Variants in RBM18 observed in about 807,000 individuals in gnomAD.
RBM18 encodes the protein probable RNA-binding protein 18.
Under a neutral mutation model 26.4 loss-of-function variants are expected in RBM18, and 18 were observed. The observed-to-expected ratio is 0.68, with a 90% CI of 0.47 to 1.01. The LOEUF is 1.01. RBM18 is among the 50% of genes least tolerant of loss of function. The probability of loss-of-function intolerance (pLI) is 0.00; values close to 1 mark genes in which losing one functional copy is unlikely to be tolerated. For synonymous variants in RBM18, 74 were observed against 81.1 expected (o/e 0.91, Z 0.47); for missense variants, 180 against 219.2 (o/e 0.82, Z 1.13).
At chr9:122,256,573 T>C (rs1588386232) in intron 2 of RBM18, among the ~76,000 whole-genome samples, 1 of 152,192 alleles carries the variant, frequency 6.6e-6, no homozygotes, top group East Asian at 1.9e-4. Context: ...AGAGGTATTG[T>C]TTATGCTTAC....
In RBM18 at chr9:122,261,650, G is replaced by A. The variant is rs1003841753; in HGVS notation, c.-16-142C>T. 3.2e-6 allele frequency: 2 copies of A among 617,412 alleles called. 1 individual carries two copies. Among genetic ancestry groups the A allele is most frequent in the South Asian group, 3.9e-5 (2 of 50,934 alleles). 38.2% of individuals were successfully genotyped at this position (617,412 alleles called of 1,614,324 possible). On this transcript the variant is annotated intron_variant, in intron 1 of 5. Coordinates refer to ENST00000417201, the MANE Select transcript of RBM18 (RefSeq NM_033117.4). ...AAAGGCCTCAGTGATTCCACAACCA[G>A]GGCCCCAGAACCAGTTCCCTTGGGA...
At chr9:122,246,400 G>A (rs575080262) in intron 4 of RBM18, among the ~76,000 whole-genome samples, 3 of 152,324 alleles carry the variant, frequency 2.0e-5, no homozygotes, top group Admixed American at 6.5e-5. Flanking sequence ...GAAGAGAACC[G>A]TGAGGCACAG....
chr9:122,261,963 T>C (rs918083276), intron 1 of RBM18, among the ~76,000 whole-genome samples: 1 of 152,112 alleles, frequency 6.6e-6, no homozygotes, highest in Non-Finnish European at 1.5e-5. Context: ...AGAGGCAATA[T>C]AGCAAAGAGA....
chr9:122,259,524 T>A (rs1322903495), intron 2 of RBM18, among the ~76,000 whole-genome samples: 1 of 152,210 alleles, frequency 6.6e-6, no homozygotes, highest in Admixed American at 6.5e-5. Flanking sequence ...GGGCAACACA[T>A]CTTAAATACC....
intron 2 of RBM18, among the ~76,000 whole-genome samples, chr9:122,253,634 T>C (rs966879421): frequency 7.2e-5 from 11 of 151,798 alleles, no homozygotes; most frequent in African/African-American, 2.7e-4. Context: ...GGGTCTTTAA[T>C]TCACAGCTGT....
intron 4 of RBM18, among the ~76,000 whole-genome samples, chr9:122,246,519 G>C (rs1165961991): frequency 6.6e-6 from 1 of 152,186 alleles, no homozygotes; most frequent in Non-Finnish European, 1.5e-5. Context: ...ATTTTCCCTT[G>C]AGTAAAAAAG....
intron 5 of RBM18, among the ~76,000 whole-genome samples, chr9:122,244,694 AAC>A (rs1831476797): frequency 1.3e-5 from 2 of 152,132 alleles, no homozygotes; most frequent in African/African-American, 4.8e-5. Context: ...ACAAAAAACA[AAC>A]AAACAAAAAA....
At chr9:122,263,720 G>C (rs796567002) in intron 1 of RBM18, among the ~76,000 whole-genome samples, 8 of 152,294 alleles carry the variant, frequency 5.3e-5, no homozygotes, top group African/African-American at 1.9e-4. Flanking sequence ...ATGACATTTG[G>C]GACTTGAATG....
intron 2 of RBM18, among the ~76,000 whole-genome samples, chr9:122,258,819 G>A (rs919427657): frequency 2.0e-5 from 3 of 148,132 alleles, no homozygotes; most frequent in African/African-American, 7.4e-5. Flanking sequence ...GCATGGTGGC[G>A]AGCACCTGTA....
chr9:122,254,068 A>G lies in RBM18; in HGVS notation c.114-2095T>C, dbSNP rs1831649357. ...AAAAAACCCACAAAAACACACACACACAAAAAAAACAAAAAAGACAATCTA... is the reference window on the plus strand; with the variant it reads ...AAAAAACCCACAAAAACACACACACGCAAAAAAAACAAAAAAGACAATCTA... On this transcript the variant is annotated intron_variant, in intron 2 of 5. Transcript: ENST00000417201. Among the ~76,000 whole-genome samples, 4 of 142,816 alleles carry G rather than the reference A, an allele frequency of 2.8e-5. No homozygotes were observed. The South Asian group carries it at 6.6e-4, about 24-fold the overall frequency. 93.7% of individuals were successfully genotyped at this position (142,816 alleles called of 152,430 possible). A position where few individuals can be genotyped will look rare whatever the true frequency, so the allele number is the denominator to read the frequency against.
intron 3 of RBM18, among the ~76,000 whole-genome samples, chr9:122,248,711 T>C (rs1777742757): frequency 6.6e-6 from 1 of 152,208 alleles, no homozygotes; most frequent in Non-Finnish European, 1.5e-5. Flanking sequence ...TGCCAAACCT[T>C]CTTTGCCCCA....
At position 122,241,809 on chromosome 9, in the gene RBM18, T is replaced by A; in HGVS notation, c.*75A>T. 1 of 1,296,162 alleles carries A rather than the reference T, an allele frequency of 7.7e-7. No homozygotes were observed. The allele number at this position is 1,296,162 out of a possible 1,614,324, so 80.3% of individuals were successfully genotyped here. A position where few individuals can be genotyped will look rare whatever the true frequency, so the allele number is the denominator to read the frequency against. On this transcript the variant is annotated 3_prime_UTR_variant, in exon 6 of 6. Coordinates refer to ENST00000417201, the MANE Select transcript of RBM18 (RefSeq NM_033117.4). Reference sequence around the variant, plus strand: ...GCTCCGTTGAATAGTACCATTCACATCTACAAAGTACACAGGCAGACGATT... The same window carrying A: ...GCTCCGTTGAATAGTACCATTCACAACTACAAAGTACACAGGCAGACGATT...
intron 3 of RBM18, among the ~76,000 whole-genome samples, chr9:122,249,365 A>C (rs1013096041): frequency 2.6e-5 from 4 of 152,182 alleles, no homozygotes; most frequent in Non-Finnish European, 5.9e-5. Context: ...ATCCTAACCC[A>C]GTGTTTTTAA....
chr9:122,250,940 G>A (rs1564456593), intron 3 of RBM18, among the ~76,000 whole-genome samples: 1 of 151,026 alleles, frequency 6.6e-6, no homozygotes. Context: ...ATTATTATGA[G>A]ATGGAGTCTT....
intron 3 of RBM18, among the ~76,000 whole-genome samples, chr9:122,249,553 T>C (rs1489580066): frequency 6.6e-6 from 1 of 150,396 alleles, no homozygotes; most frequent in African/African-American, 2.5e-5. Context: ...CTACAAAAAA[T>C]ACAAAAATTA....
chr9:122,251,650 A>G (rs1225242262), intron 3 of RBM18, among the ~76,000 whole-genome samples, 197 bp downstream of exon 3: 2 of 152,256 alleles, frequency 1.3e-5, no homozygotes, highest in African/African-American at 2.4e-5. Context: ...AACTTTGGCC[A>G]AGGGACAGTG....
intron 3 of RBM18, among the ~76,000 whole-genome samples, chr9:122,248,318 T>C (rs1196966851): frequency 6.6e-6 from 1 of 152,194 alleles, no homozygotes; most frequent in African/African-American, 2.4e-5. Context: ...ATGTTAGTAA[T>C]AGTGCTGTTC....
chr9:122,260,195 A>G (rs1831766156), intron 2 of RBM18, among the ~76,000 whole-genome samples: 1 of 152,018 alleles, frequency 6.6e-6, no homozygotes, highest in Admixed American at 6.5e-5. Flanking sequence ...AAAAACACAA[A>G]AATCAGCCAG....
At chr9:122,249,423 A>G (rs1475089817) in intron 3 of RBM18, among the ~76,000 whole-genome samples, 2 of 152,190 alleles carry the variant, frequency 1.3e-5, no homozygotes, top group Non-Finnish European at 2.9e-5. Flanking sequence ...TGTCTGCAAC[A>G]ATTCCCAGGC....
Sources: gnomAD v4.1 joint callset for allele counts (sites outside exome capture counted in the v4.1 genomes callset) on GRCh38, gnomAD v4.1.1 for gene constraint, MANE v1.5 for transcripts, NCBI Gene and HGNC (gene_info 2026-07-23, HGNC 2026-07-21) for gene names.